The following RNF149 variants were observed in gnomAD, a reference collection of about 807,000 sequenced individuals.
The protein encoded by RNF149 is E3 ubiquitin-protein ligase RNF149.
In RNF149, 21 loss-of-function variants were observed where a neutral mutation model predicts 39.0. The observed-to-expected ratio is 0.54, with a 90% CI of 0.38 to 0.77. The LOEUF (loss-of-function observed/expected upper bound fraction) is 0.77, where lower values mean the gene tolerates loss of function less well. Ranked by LOEUF, RNF149 falls within the 30% of genes least tolerant of loss-of-function variation. RNF149 has a pLI of 0.00. For synonymous variants in RNF149, 209 were observed against 213.6 expected (o/e 0.98, Z 0.19); for missense variants, 493 against 534.9 (o/e 0.92, Z 0.77).
chr2:101,286,499 A>G (rs1321581032), intron 4 of RNF149: 1 of 201,496 alleles, frequency 5.0e-6, no homozygotes, highest in African/African-American at 2.3e-5. Flanking sequence ...TAGTAGTAAT[A>G]AGTAAACTAA....
Position 101,298,644 on chromosome 2 carries a change from AAAAC to A in RNF149, c.461-3467_461-3464del, listed in dbSNP as rs563824275. On this transcript the variant is annotated intron_variant, in intron 1 of 6. Transcript: ENST00000295317. ...CTGTGTGGACAGCATGCAGTCCTTA[AAAAC>A]AAACAAACAAAAAAACCCCAAAAAA... 2.1e-3 allele frequency among the ~76,000 whole-genome samples: 327 copies of A among 152,240 alleles called. 1 individual carries two copies. The highest frequency in any genetic ancestry group is 7.6e-3 in the African/African-American group (315 of 41,524).
At chr2:101,282,830 C>T (rs915727438) in intron 5 of RNF149, among the ~76,000 whole-genome samples, 1 of 151,904 alleles carries the variant, frequency 6.6e-6, no homozygotes, top group Non-Finnish European at 1.5e-5. Flanking sequence ...ACCCCTCCTC[C>T]CTCCACTGGG....
intron 1 of RNF149, among the ~76,000 whole-genome samples, chr2:101,306,908 G>T (rs1475062937): frequency 1.3e-5 from 2 of 152,186 alleles, no homozygotes; most frequent in African/African-American, 4.8e-5. Context: ...ATAGGAAAAA[G>T]AATGTCTGAC....
rs1162133031 is a variant in RNF149, at chr2:101,277,044, A to T, written c.*194T>A. The T allele has an allele frequency of 3.0e-5, 40 of 1,345,486 alleles. No homozygotes were observed. Among genetic ancestry groups the T allele is most frequent in the Non-Finnish European group, 2.9e-6 (3 of 1,038,702 alleles). The allele number at this position is 1,345,486 out of a possible 1,614,324, so 83.3% of individuals were successfully genotyped here. On this transcript the variant is annotated 3_prime_UTR_variant, in exon 7 of 7. Transcript: ENST00000295317. ...GGTAAACACTCTATTTTAGTAGATA[A>T]ATATATGAGGACTAATCGAAAAGTC...
At chr2:101,307,542 A>G (rs4851416) in intron 1 of RNF149, among the ~76,000 whole-genome samples, 73,719 of 152,024 alleles carry the variant, frequency 0.48, 19,641 homozygotes, top group African/African-American at 0.72. Context: ...AAGACTCAGG[A>G]AATCTGACTG....
intron 1 of RNF149, among the ~76,000 whole-genome samples, chr2:101,306,235 T>C (rs1683654792): frequency 6.6e-6 from 1 of 152,180 alleles, no homozygotes; most frequent in South Asian, 2.1e-4. Context: ...CTGATGAACC[T>C]GCTATTTGAA....
At chr2:101,308,009 C>CAG (rs1285805454) in intron 1 of RNF149, 120 bp downstream of exon 1, 16 of 1,463,820 alleles carry the variant, frequency 1.1e-5, no homozygotes, top group Non-Finnish European at 1.4e-5. Flanking sequence ...TTCCAACAGC[C>CAG]AGAGGCCTGA....
At position 101,281,870 on chromosome 2, in the gene RNF149, G is replaced by T. The variant is rs764138954; in HGVS notation, c.1148C>A (p.Thr383Lys). The change falls in exon 6 of 7, where the codon ACG becomes AAG. Residue 383 changes from threonine to lysine, a missense_variant. Coordinates refer to ENST00000295317, the MANE Select transcript of RNF149 (RefSeq NM_173647.4). ...TGCACACCGCTCACCTAGCAATGCC[G>T]TATTTTCTCCTGCATCTCCTTTAAA... ...PSFKGDAGEN[T>K]ALLEAGRSDS... 6.2e-7 allele frequency: 1 copy of T among 1,613,850 alleles called. No individual in the cohort carries two copies. The highest frequency in any genetic ancestry group is 2.2e-5 in the East Asian group (1 of 44,884).
intron 1 of RNF149, 144 bp from the exon 2 acceptor site, chr2:101,295,325 G>A: frequency 1.4e-6 from 1 of 703,372 alleles, no homozygotes; most frequent in South Asian, 2.0e-5. Flanking sequence ...ACCAAACCTG[G>A]TTCCAAAAGA....
At chr2:101,272,563 T>C (rs967455170), downstream of RNF149, among the ~76,000 whole-genome samples, 1 of 152,232 alleles carries the variant, frequency 6.6e-6, no homozygotes, top group Non-Finnish European at 1.5e-5. Context: ...ACAACACATA[T>C]TAACTACAAA....
intron 3 of RNF149, among the ~76,000 whole-genome samples, chr2:101,291,258 C>A (rs1309403637): frequency 1.3e-5 from 2 of 152,082 alleles, no homozygotes; most frequent in African/African-American, 4.8e-5. Flanking sequence ...TCAAGTGAAT[C>A]TCCTGCCTCA....
rs773932367 is a variant in RNF149 at position 101,308,547 on chromosome 2, G to C, written c.42C>G (p.Gly14=). The part of the protein sequence containing the change: ...RRREASVGAR[G]VLALALLALA... ...GGGCGAGCAACGCCAGAGCCAACAC[G>C]CCGCGAGCCCCGACGCTGGCTTCGC... The change falls in exon 1 of 7, where the codon GGC becomes GGG. Residue 14 remains glycine, a synonymous_variant. Coordinates refer to ENST00000295317, the MANE Select transcript of RNF149 (RefSeq NM_173647.4). 1.3e-6 allele frequency: 2 copies of C among 1,590,252 alleles called. No individual in the cohort carries two copies. Among genetic ancestry groups the C allele is most frequent in the African/African-American group, 2.7e-5 (2 of 72,910 alleles).
At chr2:101,298,162 G>A (rs2104424687) in intron 1 of RNF149, among the ~76,000 whole-genome samples, 1 of 152,332 alleles carries the variant, frequency 6.6e-6, no homozygotes, top group South Asian at 2.1e-4. Flanking sequence ...CAGGCACGGT[G>A]GCTCACACCT....
intron 3 of RNF149, among the ~76,000 whole-genome samples, chr2:101,291,755 T>C (rs2104410814): frequency 6.6e-6 from 1 of 152,334 alleles, no homozygotes; most frequent in African/African-American, 2.4e-5. Flanking sequence ...TATACATTAC[T>C]GTGAATGAAT....
chr2:101,289,921 C>T (rs570984103), intron 3 of RNF149, among the ~76,000 whole-genome samples: 17 of 152,090 alleles, frequency 1.1e-4, no homozygotes, highest in South Asian at 2.1e-4. Context: ...GTGGCTCATG[C>T]CTGTAATCCC....
intron 1 of RNF149, among the ~76,000 whole-genome samples, chr2:101,306,683 C>T (rs1683673273): frequency 6.6e-6 from 1 of 152,218 alleles, no homozygotes. Flanking sequence ...CATACTCCCA[C>T]AGTTTCTGCC....
intron 6 of RNF149, among the ~76,000 whole-genome samples, chr2:101,280,498 T>C (rs796885544): frequency 6.6e-6 from 1 of 152,066 alleles, no homozygotes; most frequent in Non-Finnish European, 1.5e-5. Context: ...ACTAGCAAAG[T>C]ACAGGTCAAT....
chr2:101,272,402 G>A (rs529104130), downstream of RNF149, among the ~76,000 whole-genome samples: 15 of 152,288 alleles, frequency 9.8e-5, no homozygotes, highest in East Asian at 1.5e-3. Flanking sequence ...GGCTGATTAT[G>A]ACACAGTAGA....
chr2:101,294,079 G>A lies in RNF149; in HGVS notation c.715C>T (p.His239Tyr). 1 of 1,539,460 alleles carries A rather than the reference G, an allele frequency of 6.5e-7. No homozygotes were observed. Among genetic ancestry groups the A allele is most frequent in the Non-Finnish European group, 9.0e-7 (1 of 1,114,168 alleles). The change falls in exon 3 of 7, where the codon CAT becomes TAT. Residue 239 changes from histidine (H) to tyrosine (Y), a missense_variant. Physicochemically the swap from His to Tyr is moderately conservative, Grantham distance 83. Coordinates refer to ENST00000295317, the MANE Select transcript of RNF149 (RefSeq NM_173647.4). ...YTGSQIGSQS[H>Y]RKETKKVIGQ... ...ATAACTTTCTTAGTTTCTTTTCTAT[G>A]GCTCTTGGGTAGGAAAATATTAATA... is the stretch of plus-strand genomic sequence containing the variant.
Sources: allele counts gnomAD v4.1 joint callset (sites outside exome capture counted in the v4.1 genomes callset), GRCh38; gene constraint gnomAD v4.1.1; transcripts MANE v1.5; gene names NCBI Gene and HGNC (gene_info 2026-07-23, HGNC 2026-07-21).